SYNE2: variants seen among roughly 807,000 people sequenced by gnomAD.
The protein encoded by SYNE2 is nesprin-2.
SYNE2 carries 431 observed loss-of-function variants against 856.3 expected under a neutral mutation model. That is an observed-to-expected ratio of 0.50 (90% CI 0.47 to 0.55). The LOEUF (loss-of-function observed/expected upper bound fraction) is 0.55. Among genes scored for constraint, SYNE2 ranks in the 20% least tolerant of loss-of-function variants. SYNE2 has a pLI of 0.00. For missense variants in SYNE2, 8,129 were observed against 8,023.2 expected (o/e 1.01, Z -0.50); for synonymous variants, 2,923 against 2,872.3 (o/e 1.02, Z -0.56).
intron 48 of SYNE2, among the ~76,000 whole-genome samples, chr14:64,054,129 A>T (rs1466030076): frequency 6.6e-6 from 1 of 152,216 alleles, no homozygotes; most frequent in Admixed American, 6.5e-5. Flanking sequence ...ATTACAGTGA[A>T]CTGGTTTGTA....
At position 64,053,355 on chromosome 14, in the gene SYNE2, G is replaced by C. The variant is rs371734893; in HGVS notation, c.9442G>C (p.Glu3148Gln). 16 of 1,613,448 alleles carry C rather than the reference G, an allele frequency of 9.9e-6. No individual in the cohort carries two copies. Among genetic ancestry groups the C allele is most frequent in the Non-Finnish European group, 1.3e-5 (15 of 1,179,894 alleles). Reference sequence around the variant, plus strand: ...CATGGTATTAGAACTCTCACCAAAAGAATTGGATGAAAAGAATTGTCAGGA... The same window carrying C: ...CATGGTATTAGAACTCTCACCAAAACAATTGGATGAAAAGAATTGTCAGGA... ...QNMVLELSPKELDEKNCQDKL... is the reference protein window; with the variant it reads ...QNMVLELSPKQLDEKNCQDKL... The change falls in exon 48 of 116, where the codon GAA becomes CAA. Residue 3148 changes from glutamate to glutamine, a missense_variant. Physicochemically the swap from Glu to Gln is conservative, Grantham distance 29 (BLOSUM62 2). Coordinates refer to ENST00000555002, the MANE Select transcript of SYNE2 (RefSeq NM_182914.3).
At chr14:63,786,199 G>A (rs1480679274) in intron 1 of SYNE2, among the ~76,000 whole-genome samples, 1 of 149,994 alleles carries the variant, frequency 6.7e-6, no homozygotes, top group African/African-American at 2.5e-5. Context: ...GCAGTGAACT[G>A]AGATCACACC....
At chr14:64,027,966 G>A (rs376558987) in intron 43 of SYNE2, among the ~76,000 whole-genome samples, 173 bp downstream of exon 43, 31 of 152,092 alleles carry the variant, frequency 2.0e-4, no homozygotes, top group African/African-American at 7.0e-4. Context: ...GAGTGCAGTG[G>A]CATGATCTCA....
Position 63,978,948 on chromosome 14 carries a change from ATTGGATAT to A in SYNE2, c.1509_1516del (p.Asp503GlufsTer3). 1 of 1,613,820 alleles carries A rather than the reference ATTGGATAT, an allele frequency of 6.2e-7. No individual in the cohort carries two copies. Among genetic ancestry groups the A allele is most frequent in the Non-Finnish European group, 8.5e-7 (1 of 1,179,806 alleles). On this transcript the variant is annotated frameshift_variant, in exon 14 of 116. Coordinates refer to ENST00000555002, the MANE Select transcript of SYNE2 (RefSeq NM_182914.3). LOFTEE classifies it high-confidence loss of function. The stretch of plus-strand genomic sequence containing the variant: ...GTTTGGTAGATGAAGTGAAATCAAA[ATTGGATAT>A]TTGGAACATTAAATATGGGAGCAGA...
chr14:64,072,228 ATAG>A (rs1480453721), intron 52 of SYNE2, among the ~76,000 whole-genome samples: 1 of 152,248 alleles, frequency 6.6e-6, no homozygotes, highest in African/African-American at 2.4e-5. Context: ...GTCAAAGAAT[ATAG>A]TAGTTTTATG....
chr14:63,967,354 C>T (rs1292068801), intron 10 of SYNE2, among the ~76,000 whole-genome samples: 1 of 152,202 alleles, frequency 6.6e-6, no homozygotes, highest in Admixed American at 6.5e-5. Context: ...ATAATTTTCA[C>T]ATTCATTCAT....
At chr14:63,960,257 T>A (rs539571801) in intron 8 of SYNE2, among the ~76,000 whole-genome samples, 33 of 152,378 alleles carry the variant, frequency 2.2e-4, no homozygotes, top group Admixed American at 9.8e-4. Context: ...GGCTTTTATA[T>A]GCTTACTGCC....
intron 54 of SYNE2, among the ~76,000 whole-genome samples, chr14:64,076,939 C>G (rs2097465894): frequency 1.3e-5 from 2 of 152,016 alleles, no homozygotes; most frequent in African/African-American, 4.8e-5. Context: ...AGTTAACACA[C>G]AAGAAAACCT....
At chr14:64,098,706 T>C in intron 62 of SYNE2, 41 bp from the exon 63 acceptor site, 3 of 1,604,888 alleles carry the variant, frequency 1.9e-6, no homozygotes, top group Non-Finnish European at 2.6e-6. Flanking sequence ...TGATGTTGAC[T>C]GGCAAGCAGA....
rs751449516 is a variant in SYNE2, at chr14:64,056,161, C to G, written c.9962C>G (p.Ser3321Cys). 1.2e-6 allele frequency: 2 copies of G among 1,613,974 alleles called. No individual in the cohort carries two copies. The highest frequency in any genetic ancestry group is 1.7e-6 in the Non-Finnish European group (2 of 1,180,008). ...CTCACTGAGAAACTGGGAATGATAT[C>G]CAGCCCCGAAGCCAAACTACAACTT... ...QDLTEKLGMI[S>C]SPEAKLQLQY... The change falls in exon 49 of 116, where the codon TCC becomes TGC. Residue 3321 changes from serine (S) to cysteine (C), a missense_variant. This residue lies in a region of SYNE2 where 5,410 missense variants were observed against 5,284.8 expected (regional missense o/e 1.02). Coordinates refer to ENST00000555002, the MANE Select transcript of SYNE2 (RefSeq NM_182914.3).
intron 107 of SYNE2, 165 bp from the exon 108 acceptor site, chr14:64,216,083 C>T (rs146598177): frequency 1.3e-6 from 2 of 1,517,140 alleles, no homozygotes; most frequent in South Asian, 1.2e-5. Flanking sequence ...TGCTGAGTTG[C>T]ATGACTCATC....
At chr14:64,009,395 GC>G (rs2096825637) in intron 31 of SYNE2, among the ~76,000 whole-genome samples, 1 of 151,904 alleles carries the variant, frequency 6.6e-6, no homozygotes, top group African/African-American at 2.4e-5. Context: ...AATTAGCCAG[GC>G]ATGGTGGCAC....
At chr14:64,218,775 TTG>T (rs1378008138) in intron 109 of SYNE2, among the ~76,000 whole-genome samples, 2 of 152,212 alleles carry the variant, frequency 1.3e-5, no homozygotes, top group Non-Finnish European at 2.9e-5. Context: ...CTTTCTATAT[TTG>T]TGTGTAAAGA....
chr14:63,850,245 CTT>C (rs34763098), upstream of SYNE2, among the ~76,000 whole-genome samples: 8,000 of 112,270 alleles, frequency 0.071, 274 homozygotes, highest in Middle Eastern at 0.11. Flanking sequence ...CCACACCTAG[CTT>C]TTTTTTTTTT....
chr14:64,070,588 T>G, intron 51 of SYNE2, 57 bp from the exon 52 acceptor site: 5 of 1,479,252 alleles, frequency 3.4e-6, no homozygotes. Flanking sequence ...CTACTTCAGG[T>G]CCTGAAATGT....
rs527357425 is a variant in SYNE2 at position 64,175,421 on chromosome 14, C to T, written c.17430+283C>T. Among the ~76,000 whole-genome samples, 273 of 152,188 alleles carry T rather than the reference C, an allele frequency of 1.8e-3. 1 individual carries two copies. The highest frequency in any genetic ancestry group is 6.3e-3 in the African/African-American group (261 of 41,526). On this transcript the variant is annotated intron_variant, in intron 95 of 115. Transcript: ENST00000555002. Reference sequence around the variant, plus strand: ...AGTTCAATACATAAAACTAATGTTCCATGTATGGAACAGACAGAAACACTT... The same window carrying T: ...AGTTCAATACATAAAACTAATGTTCTATGTATGGAACAGACAGAAACACTT...
At chr14:63,797,078 C>CAAAAA (rs372872575) in intron 1 of SYNE2, among the ~76,000 whole-genome samples, 8 of 70,202 alleles carry the variant, frequency 1.1e-4, no homozygotes, top group East Asian at 4.8e-4. Flanking sequence ...GACTTCATCT[C>CAAAAA]AAAAAAAAAA....
rs764900964 is a variant in SYNE2 at position 64,210,118 on chromosome 14, A to G, written c.18717A>G (p.Arg6239=). ...GGCGGGTCACAGCCGTCCTGCGGAG[A>G]CTCAGGGTGAGCTCCTCTGCACCTG... ...LQRRVTAVLR[R]LRHFTNQREE... is the part of the protein sequence containing the mutation. The change falls in exon 103 of 116, where the codon AGA becomes AGG. Residue 6239 remains arginine, a synonymous_variant. Transcript: ENST00000555002. 1.9e-6 allele frequency: 3 copies of G among 1,613,144 alleles called. No homozygotes were observed. The African/African-American group carries it at 4.0e-5, about 22-fold the overall frequency.
intron 84 of SYNE2, 64 bp downstream of exon 84, chr14:64,146,287 C>T: frequency 4.1e-6 from 6 of 1,464,718 alleles, no homozygotes; most frequent in Non-Finnish European, 5.5e-6. Flanking sequence ...CCTCTCTTGC[C>T]CCGAGGATAA....
Sources: gnomAD v4.1 joint callset for allele counts (sites outside exome capture counted in the v4.1 genomes callset) on GRCh38, gnomAD v4.1.1 for gene constraint, gnomAD v4.1.1 regional missense constraint, MANE v1.5 for transcripts, NCBI Gene and HGNC (gene_info 2026-07-23, HGNC 2026-07-21) for gene names.